The following FAH variants were observed in gnomAD, a reference collection of about 807,000 sequenced individuals.
FAH encodes fumarylacetoacetate hydrolase.
In FAH, 47 loss-of-function variants were observed where a neutral mutation model predicts 55.8. The observed-to-expected ratio is 0.84, with a 90% confidence interval of 0.67 to 1.07. FAH has a LOEUF of 1.07. Ranked by LOEUF, FAH falls within the 50% of genes least tolerant of loss-of-function variation. The pLI is 0.00. For synonymous variants in FAH, 199 were observed against 207.7 expected, an observed-to-expected ratio of 0.96 and a Z score of 0.36; for missense variants, 495 against 545.9, an observed-to-expected ratio of 0.91 and a Z score of 0.93.
At chr15:80,178,403 T>C (rs1040404608) in intron 11 of FAH, among the ~76,000 whole-genome samples, 4 of 152,048 alleles carry the variant, frequency 2.6e-5, no homozygotes, top group Non-Finnish European at 4.4e-5. Flanking sequence ...CCATGTATTA[T>C]TTTTTTTCTG....
Position 80,162,652 on chromosome 15 carries a change from G to A in FAH, c.455+316G>A. On this transcript the variant is annotated intron_variant, in intron 5 of 13. Transcript: ENST00000561421. The stretch of plus-strand genomic sequence containing the variant: ...CTGTGTATTATTGTACTATGGGCAA[G>A]TCTTAGACTCTAGCATGCTCCATAC... 4.7e-6 allele frequency: 2 copies of A among 423,924 alleles called. 1 individual carries two copies. The highest frequency in any genetic ancestry group is 4.3e-5 in the South Asian group (2 of 46,548). The allele number at this position is 423,924 out of a possible 1,614,324, so 26.3% of individuals were successfully genotyped here. A position where few individuals can be genotyped will look rare whatever the true frequency, so the allele number is the denominator to read the frequency against.
In FAH at chr15:80,173,022, A is replaced by T. The variant is rs144228661; in HGVS notation, c.715A>T (p.Ile239Phe). 258 of 1,614,208 alleles carry T rather than the reference A, an allele frequency of 1.6e-4. 1 individual carries two copies. The Admixed American group carries it at 4.3e-3, about 27-fold the overall frequency. Reference sequence around the variant, plus strand: ...GTGCCCTTCTTCTGCAGCACGAGACATTCAGAAGTGGGAGTATGTCCCTCT... The same window carrying T: ...GTGCCCTTCTTCTGCAGCACGAGACTTTCAGAAGTGGGAGTATGTCCCTCT... ...VLMNDWSARD[I>F]QKWEYVPLGP... is the part of the protein sequence containing the mutation. The change falls in exon 9 of 14, where the codon ATT (isoleucine) becomes TTT (phenylalanine). Residue 239 changes from isoleucine to phenylalanine, a missense_variant. Coordinates refer to ENST00000561421, the MANE Select transcript of FAH (RefSeq NM_000137.4).
chr15:80,185,231 A>G (rs1031603721), intron 13 of FAH, among the ~76,000 whole-genome samples: 1 of 152,172 alleles, frequency 6.6e-6, no homozygotes, highest in Non-Finnish European at 1.5e-5. Context: ...TAATGGTTGT[A>G]ATGACTGACA....
intron 3 of FAH, 199 bp from the exon 4 acceptor site, chr15:80,160,211 A>G (rs1039531497): frequency 1.3e-5 from 9 of 675,372 alleles, no homozygotes; most frequent in Non-Finnish European, 2.1e-5. Flanking sequence ...CCCATTTCCT[A>G]GGGTAGAATA....
At chr15:80,172,110 G>A in intron 7 of FAH, 39 bp from the exon 8 acceptor site, 1 of 1,477,782 alleles carries the variant, frequency 6.8e-7, no homozygotes, top group Non-Finnish European at 9.5e-7. Flanking sequence ...CTGGGCGGCA[G>A]ATCAGCTCCA....
intron 11 of FAH, 81 bp downstream of exon 11, chr15:80,177,664 G>A (rs951588060): frequency 1.7e-5 from 22 of 1,331,230 alleles, no homozygotes; most frequent in African/African-American, 1.0e-4. Context: ...CAGGAGGAGA[G>A]CATTCCTTTT....
chr15:80,162,385 T>C (rs1453482327), intron 5 of FAH, 49 bp downstream of exon 5: 4 of 1,508,188 alleles, frequency 2.7e-6, no homozygotes, highest in African/African-American at 1.4e-5. Flanking sequence ...TTTCTTTTCA[T>C]TTCCAGCAGC....
intron 10 of FAH, among the ~76,000 whole-genome samples, chr15:80,175,508 C>T (rs1005860201): frequency 2.0e-5 from 3 of 152,180 alleles, no homozygotes; most frequent in African/African-American, 4.8e-5. Context: ...TGGCTGAGCC[C>T]CTGGGGCCAC....
intron 2 of FAH, 46 bp downstream of exon 2, chr15:80,158,216 C>A: frequency 7.9e-7 from 1 of 1,267,028 alleles, no homozygotes; most frequent in Non-Finnish European, 1.2e-6. Context: ...GTGGCACTTA[C>A]TGTGGATGCC....
At chr15:80,180,389 A>G in intron 12 of FAH, 164 bp downstream of exon 12, 1 of 642,182 alleles carries the variant, frequency 1.6e-6, no homozygotes, top group South Asian at 1.7e-5. Flanking sequence ...TGCAGGAGGG[A>G]CTTCTCATCC....
chr15:80,178,395 A>G (rs2041301267), intron 11 of FAH, among the ~76,000 whole-genome samples: 1 of 151,864 alleles, frequency 6.6e-6, no homozygotes, highest in African/African-American at 2.4e-5. Context: ...CTCTGCTACC[A>G]TGTATTATTT....
rs372526487 is a variant in FAH at position 80,160,361 on chromosome 15, C to T, written c.315-49C>T. ...TCTGGGCTGAGCCCGTGGGTGGGAC[C>T]GCGCTTTGCTGCCTACTTGACTTTG... On this transcript the variant is annotated intron_variant, in intron 3 of 13. Coordinates refer to ENST00000561421, the MANE Select transcript of FAH (RefSeq NM_000137.4). 2.8e-5 allele frequency: 44 copies of T among 1,593,284 alleles called. No individual in the cohort carries two copies. The Middle Eastern group carries it at 5.0e-4, about 18-fold the overall frequency.
intron 1 of FAH, chr15:80,155,851 T>C (rs2041094501): frequency 2.2e-6 from 1 of 463,116 alleles, no homozygotes; most frequent in Non-Finnish European, 4.3e-6. Context: ...CAGCATTTTC[T>C]TCTATGCACT....
chr15:80,177,429 A>G, intron 10 of FAH, 108 bp from the exon 11 acceptor site: 1 of 1,036,300 alleles, frequency 9.6e-7, no homozygotes, highest in Non-Finnish European at 1.5e-6. Context: ...CTCTAAGTGA[A>G]ATCATGTTGG....
intron 8 of FAH, among the ~76,000 whole-genome samples, chr15:80,172,449 T>TCA (rs2041249333): frequency 7.5e-6 from 1 of 132,464 alleles, no homozygotes; most frequent in South Asian, 2.7e-4. Flanking sequence ...TCCAATTTTC[T>TCA]CGAGTGGCTA....
chr15:80,159,758 T>C lies in FAH; in HGVS notation c.195T>C (p.Pro65=). Residue 65 remains proline (P), a splice_region_variant and synonymous_variant, in exon 3 of 14, where the codon CCT becomes CCC. Coordinates refer to ENST00000561421, the MANE Select transcript of FAH (RefSeq NM_000137.4). ...TTTTCTCCCTGTTTTGGTCTTAGCCTACACTCAACAGCTTCATGGGCCTGG... is the reference window on the plus strand; with the variant it reads ...TTTTCTCCCTGTTTTGGTCTTAGCCCACACTCAACAGCTTCATGGGCCTGG... The part of the protein sequence containing the change: ...LSKHQDVFNQ[P]TLNSFMGLGQ... The C allele has an allele frequency of 6.2e-7, 1 of 1,614,206 alleles. No homozygotes were observed. The highest frequency in any genetic ancestry group is 8.5e-7 in the Non-Finnish European group (1 of 1,180,022).
At chr15:80,162,872 C>T (rs1595891439) in intron 5 of FAH, 3 of 202,228 alleles carry the variant, frequency 1.5e-5, no homozygotes, top group East Asian at 2.4e-4. Flanking sequence ...AACAGGGCCA[C>T]AGCCTGTCTC....
intron 10 of FAH, chr15:80,177,336 G>T (rs2041292226): frequency 3.3e-6 from 2 of 612,628 alleles, no homozygotes; most frequent in African/African-American, 3.7e-5. Context: ...GGCGTGGGAG[G>T]AGGAAGTGAT....
intron 13 of FAH, among the ~76,000 whole-genome samples, chr15:80,182,234 G>C (rs1046797441): frequency 1.3e-5 from 2 of 151,950 alleles, no homozygotes; most frequent in East Asian, 1.9e-4. Flanking sequence ...ATAGCATTTA[G>C]AGCCCACCTA....
Sources: allele counts gnomAD v4.1 joint callset (sites outside exome capture counted in the v4.1 genomes callset), GRCh38; gene constraint gnomAD v4.1.1; transcripts MANE v1.5; gene names NCBI Gene and HGNC (gene_info 2026-07-23, HGNC 2026-07-21).